HDAC9: variants seen among roughly 807,000 people sequenced by gnomAD.
The protein encoded by HDAC9 is MEF-2 interacting transcription repressor (MITR) protein.
A neutral mutation model predicts 139.4 loss-of-function variants in HDAC9; 41 were observed. That is an observed-to-expected ratio of 0.29 (90% CI 0.23 to 0.38). The LOEUF (loss-of-function observed/expected upper bound fraction) is 0.38, where lower values mean the gene tolerates loss of function less well. Among genes scored for constraint, HDAC9 ranks in the 10% least tolerant of loss-of-function variants. HDAC9 has a pLI of 1.00. For synonymous variants in HDAC9, 517 were observed against 476.2 expected, an observed-to-expected ratio of 1.09 and a Z score of -1.12; for missense variants, 1,147 against 1,297.0, an observed-to-expected ratio of 0.88 and a Z score of 1.78.
intron 22 of HDAC9, among the ~76,000 whole-genome samples, chr7:18,883,809 A>T (rs1472351384): frequency 2.0e-5 from 3 of 152,088 alleles, no homozygotes; most frequent in African/African-American, 4.8e-5. Context: ...CAGCAAAAAA[A>T]ACCTGATAAA....
At chr7:18,186,276 A>G (rs1789905643) in intron 2 of HDAC9, among the ~76,000 whole-genome samples, 1 of 152,250 alleles carries the variant, frequency 6.6e-6, no homozygotes, top group Non-Finnish European at 1.5e-5. Flanking sequence ...TTAAGACTAA[A>G]ATTAAAGCTT....
At chr7:18,977,362 C>T (rs958874633) in intron 25 of HDAC9, among the ~76,000 whole-genome samples, 11 of 152,138 alleles carry the variant, frequency 7.2e-5, no homozygotes, top group Admixed American at 2.0e-4. Flanking sequence ...ATAAAAGGAG[C>T]ATAGCTATTC....
chr7:18,212,612 A>G (rs990019198), intron 2 of HDAC9, among the ~76,000 whole-genome samples: 23 of 152,216 alleles, frequency 1.5e-4, no homozygotes, highest in African/African-American at 5.3e-4. Context: ...GATAGGTAAG[A>G]TGTTGCAGTG....
chr7:18,685,735 G>T (rs538250954), intron 12 of HDAC9, among the ~76,000 whole-genome samples: 12 of 152,030 alleles, frequency 7.9e-5, no homozygotes, highest in Middle Eastern at 3.4e-3. Flanking sequence ...TGAGATGGAA[G>T]AAACATTCTA....
intron 17 of HDAC9, among the ~76,000 whole-genome samples, chr7:18,812,290 G>T (rs1345695955): frequency 1.3e-5 from 2 of 151,840 alleles, no homozygotes; most frequent in Non-Finnish European, 2.9e-5. Context: ...ATTCATTTGA[G>T]TCGATCCAGG....
At chr7:18,628,936 C>T (rs1309094962) in intron 6 of HDAC9, among the ~76,000 whole-genome samples, 2 of 152,080 alleles carry the variant, frequency 1.3e-5, no homozygotes, top group Non-Finnish European at 2.9e-5. Context: ...TCTAAAATCA[C>T]ATTCAGTTAC....
intron 22 of HDAC9, among the ~76,000 whole-genome samples, chr7:18,890,921 G>A (rs1042307527): frequency 1.3e-5 from 2 of 152,182 alleles, no homozygotes; most frequent in Non-Finnish European, 2.9e-5. Context: ...CCAAGGTAGT[G>A]TACTCAGGAT....
intron 1 of HDAC9, among the ~76,000 whole-genome samples, chr7:18,482,956 T>C (rs1202928440): frequency 2.0e-5 from 3 of 152,206 alleles, no homozygotes; most frequent in Non-Finnish European, 4.4e-5. Flanking sequence ...GTCTAACGCA[T>C]TACTCTATAA....
intron 2 of HDAC9, among the ~76,000 whole-genome samples, chr7:18,536,902 A>C (rs71524247): frequency 0.01 from 1,584 of 152,330 alleles, 14 homozygotes; most frequent in Non-Finnish European, 0.018. Context: ...AAAAGTTAAC[A>C]CATTTATGAA....
intron 22 of HDAC9, among the ~76,000 whole-genome samples, chr7:18,878,055 A>T (rs2129251222): frequency 6.6e-6 from 1 of 152,268 alleles, no homozygotes; most frequent in East Asian, 1.9e-4. Context: ...ATCTTTCTAA[A>T]TATGCTGATT....
At chr7:18,211,991 A>G (rs945620911) in intron 2 of HDAC9, among the ~76,000 whole-genome samples, 3 of 152,172 alleles carry the variant, frequency 2.0e-5, no homozygotes, top group Non-Finnish European at 4.4e-5. Flanking sequence ...TTGAGTAACT[A>G]AAAAATTGAT....
chr7:18,281,556 G>T (rs1386504632), intron 2 of HDAC9, among the ~76,000 whole-genome samples: 1 of 152,150 alleles, frequency 6.6e-6, no homozygotes, highest in Non-Finnish European at 1.5e-5. Context: ...TGACTCCAAA[G>T]CTTCAGCGTA....
At position 18,297,108 on chromosome 7, in the gene HDAC9, G is replaced by A. The variant is rs184577599; in HGVS notation, c.-42+6593G>A. On this transcript the variant is annotated intron_variant, in intron 1 of 3. Transcript: ENST00000413509. ...GGAGGTGAAGATTTGAGAAACTTCC[G>A]TGTAGGTACGAGTTGAAGCCACATG... is the stretch of plus-strand genomic sequence containing the variant. Among the ~76,000 whole-genome samples the A allele has an allele frequency of 4.6e-5, 7 of 152,266 alleles. No individual in the cohort carries two copies. In the South Asian group the frequency reaches 6.2e-4, roughly 14 times the overall value.
chr7:18,446,919 T>C (rs549255946), intron 1 of HDAC9, among the ~76,000 whole-genome samples: 45 of 152,158 alleles, frequency 3.0e-4, no homozygotes, highest in Non-Finnish European at 5.9e-4. Flanking sequence ...TTCTCTAAAA[T>C]TTTTCACTAC....
intron 2 of HDAC9, among the ~76,000 whole-genome samples, chr7:18,180,226 TAC>T (rs67304424): frequency 0.43 from 51,862 of 120,310 alleles, 10,476 homozygotes; most frequent in East Asian, 0.54. Flanking sequence ...CCAAGACACA[TAC>T]ACACACACAC....
chr7:18,562,200 G>A lies in HDAC9; in HGVS notation c.23-23081G>A, dbSNP rs528426586. On this transcript the variant is annotated intron_variant, in intron 2 of 25. Transcript: ENST00000686413. ...GGGTCATTTTTATTTTGATTATTGA[G>A]TCGTAAGATTTTATTTTATACACTC... is the stretch of plus-strand genomic sequence containing the variant. Among the ~76,000 whole-genome samples, 139 of 152,050 alleles carry A rather than the reference G, an allele frequency of 9.1e-4. 2 individuals carry two copies. Among genetic ancestry groups the A allele is most frequent in the African/African-American group, 3.2e-3 (134 of 41,458 alleles).
chr7:18,108,326 G>C (rs982520634), intron 1 of HDAC9, among the ~76,000 whole-genome samples: 5 of 152,244 alleles, frequency 3.3e-5, no homozygotes, highest in African/African-American at 1.2e-4. Flanking sequence ...ACTGTATATG[G>C]AGATGGGCGC....
At chr7:18,225,601 C>T (rs1793002120) in intron 2 of HDAC9, among the ~76,000 whole-genome samples, 1 of 152,034 alleles carries the variant, frequency 6.6e-6, no homozygotes, top group African/African-American at 2.4e-5. Context: ...CATGCATATA[C>T]ATGGAATCTT....
chr7:18,871,707 T>A (rs1479800038), intron 21 of HDAC9, among the ~76,000 whole-genome samples: 1 of 152,162 alleles, frequency 6.6e-6, no homozygotes, highest in African/African-American at 2.4e-5. Flanking sequence ...TACCCTCAAA[T>A]GCATTATTCA....
Sources: allele counts gnomAD v4.1 joint callset (sites outside exome capture counted in the v4.1 genomes callset), GRCh38; gene constraint gnomAD v4.1.1; transcripts MANE v1.5; gene names NCBI Gene and HGNC (gene_info 2026-07-23, HGNC 2026-07-21).